Variants in SLC22A23 observed in about 807,000 individuals in gnomAD.
SLC22A23 encodes ion transporter protein.
SLC22A23 carries 26 observed loss-of-function variants against 61.0 expected under a neutral mutation model. The ratio of observed to expected loss-of-function variants is 0.43; its 90% CI spans 0.31 to 0.59. The LOEUF (loss-of-function observed/expected upper bound fraction) is 0.59. Among genes scored for constraint, SLC22A23 ranks in the 20% least tolerant of loss-of-function variants. The pLI is 0.11. For missense variants in SLC22A23, 796 were observed against 934.7 expected, an observed-to-expected ratio of 0.85 and a Z score of 1.94; for synonymous variants, 430 against 413.9, an observed-to-expected ratio of 1.04 and a Z score of -0.47.
intron 9 of SLC22A23, among the ~76,000 whole-genome samples, chr6:3,280,393 C>G (rs764845903): frequency 6.6e-6 from 1 of 152,144 alleles, no homozygotes; most frequent in East Asian, 1.9e-4. Flanking sequence ...CGCTGCTCAT[C>G]GCTCGCACGC....
intron 3 of SLC22A23, among the ~76,000 whole-genome samples, chr6:3,402,974 G>A (rs1407990017): frequency 1.3e-5 from 2 of 152,218 alleles, no homozygotes; most frequent in Non-Finnish European, 2.9e-5. Context: ...CTTTGTAGCA[G>A]AGCCTATCTG....
At chr6:3,277,391 C>T (rs570118553) in intron 9 of SLC22A23, among the ~76,000 whole-genome samples, 4 of 152,210 alleles carry the variant, frequency 2.6e-5, no homozygotes, top group Non-Finnish European at 5.9e-5. Context: ...ACCTCTGCTC[C>T]TGCTCCCCGA....
intron 3 of SLC22A23, among the ~76,000 whole-genome samples, chr6:3,353,045 CT>C (rs1306088332): frequency 1.3e-5 from 2 of 152,176 alleles, no homozygotes; most frequent in African/African-American, 2.4e-5. Flanking sequence ...TTAAGTAAGA[CT>C]TTTTACCCTG....
intron 9 of SLC22A23, chr6:3,282,177 A>AGACTT: frequency 1.4e-6 from 1 of 702,394 alleles, no homozygotes; most frequent in Admixed American, 2.0e-5. Context: ...GTCTATTGAA[A>AGACTT]GACTTGGCTT....
At chr6:3,294,539 G>C (rs1392645929) in intron 5 of SLC22A23, among the ~76,000 whole-genome samples, 1 of 152,212 alleles carries the variant, frequency 6.6e-6, no homozygotes, top group Non-Finnish European at 1.5e-5. Flanking sequence ...CTCAGCCTGT[G>C]AAACTGAAGG....
chr6:3,336,983 A>G lies in SLC22A23; in HGVS notation c.914-12981T>C, dbSNP rs1450121250. ...GCCACCATGCCTGGCTGATTTTTAA[A>G]ATTTATAGTAGACAAGGTCTTGCTA... is the stretch of plus-strand genomic sequence containing the variant. On this transcript the variant is annotated intron_variant, in intron 3 of 9. Coordinates refer to ENST00000406686, the MANE Select transcript of SLC22A23 (RefSeq NM_015482.2). 5.9e-5 allele frequency among the ~76,000 whole-genome samples: 9 copies of G among 151,892 alleles called. No homozygotes were observed. The East Asian group carries it at 1.7e-3, about 29-fold the overall frequency.
At chr6:3,437,051 A>C (rs893306674) in intron 1 of SLC22A23, among the ~76,000 whole-genome samples, 1 of 152,168 alleles carries the variant, frequency 6.6e-6, no homozygotes, top group Non-Finnish European at 1.5e-5. Context: ...GCTTCGCAAA[A>C]ACTGCTGTTA....
chr6:3,312,394 G>T (rs1482708681), intron 4 of SLC22A23: 2 of 152,166 alleles, frequency 1.3e-5, no homozygotes, highest in Non-Finnish European at 2.9e-5. Context: ...TTTGGCAAAT[G>T]ACTTTTAAAA....
intron 3 of SLC22A23, among the ~76,000 whole-genome samples, chr6:3,378,445 G>A (rs989776782): frequency 2.6e-5 from 4 of 152,128 alleles, no homozygotes; most frequent in African/African-American, 9.7e-5. Context: ...TGTTGCTACT[G>A]AGGCAACAGG....
At chr6:3,451,997 T>C (rs1164081170) in intron 1 of SLC22A23, among the ~76,000 whole-genome samples, 1 of 152,176 alleles carries the variant, frequency 6.6e-6, no homozygotes, top group Non-Finnish European at 1.5e-5. Context: ...CAGTACAGTA[T>C]TCCGTAAGTC....
chr6:3,376,966 G>A (rs1766610491), intron 3 of SLC22A23, among the ~76,000 whole-genome samples: 1 of 151,884 alleles, frequency 6.6e-6, no homozygotes, highest in Admixed American at 6.6e-5. Context: ...GGGTCCACAT[G>A]AAGGTGTCGG....
intron 4 of SLC22A23, chr6:3,313,358 A>T (rs1484332763): frequency 6.6e-6 from 1 of 152,112 alleles, no homozygotes; most frequent in Non-Finnish European, 1.5e-5. Flanking sequence ...TGACCAAGAA[A>T]TTTTTTTTAT....
chr6:3,360,161 G>C lies in SLC22A23; in HGVS notation c.914-36159C>G, dbSNP rs1765346658. Among the ~76,000 whole-genome samples the C allele has an allele frequency of 6.6e-6, 1 of 152,220 alleles. No homozygotes were observed. The highest frequency in any genetic ancestry group is 2.1e-4 in the South Asian group (1 of 4,836). On this transcript the variant is annotated intron_variant, in intron 3 of 9. Coordinates refer to ENST00000406686, the MANE Select transcript of SLC22A23 (RefSeq NM_015482.2). This position sits in a 1 kb window ranked among gnomAD's most constrained non-coding sequence, Gnocchi z 4.6. ...CAGAGTTTGTTTGGGAAGATGAAAA[G>C]ACCTCTAGAGATGAAGGGTGGTGAT...
rs534331091 is a variant in SLC22A23, at chr6:3,318,339, C to T, written c.1082+5495G>A. Among the ~76,000 whole-genome samples the T allele has an allele frequency of 6.6e-6, 1 of 152,270 alleles. No individual in the cohort carries two copies. The highest frequency in any genetic ancestry group is 1.9e-4 in the East Asian group (1 of 5,176). On this transcript the variant is annotated intron_variant, in intron 4 of 9. Coordinates refer to ENST00000406686, the MANE Select transcript of SLC22A23 (RefSeq NM_015482.2). The surrounding 1 kb of genome is among the most constrained non-coding windows in gnomAD (Gnocchi z 4.3). ...CAAACCAACCCATCCAGAGCCGATA[C>T]CCCAACCACTTCCTGTGTCGGGCTC...
At chr6:3,368,112 C>G (rs1443633828) in intron 3 of SLC22A23, among the ~76,000 whole-genome samples, 1 of 152,188 alleles carries the variant, frequency 6.6e-6, no homozygotes, top group Non-Finnish European at 1.5e-5. Context: ...CCCTTTTGGA[C>G]AAATGCTGCT....
In SLC22A23 at chr6:3,318,651, G is replaced by A. The variant is rs1462346427; in HGVS notation, c.1082+5183C>T. On this transcript the variant is annotated intron_variant, in intron 4 of 9. Coordinates refer to ENST00000406686, the MANE Select transcript of SLC22A23 (RefSeq NM_015482.2). This position sits in a 1 kb window ranked among gnomAD's most constrained non-coding sequence, Gnocchi z 4.3. ...TGAGAGTAATAAATGATCTTTCAATGGCAATTGTCTCCTGGCCTGCTGACC... is the reference window on the plus strand; with the variant it reads ...TGAGAGTAATAAATGATCTTTCAATAGCAATTGTCTCCTGGCCTGCTGACC... Among the ~76,000 whole-genome samples the A allele has an allele frequency of 6.6e-6, 1 of 152,078 alleles. No individual in the cohort carries two copies. The highest frequency in any genetic ancestry group is 1.5e-5 in the Non-Finnish European group (1 of 68,016).
chr6:3,314,722 C>T (rs1762536151), intron 4 of SLC22A23, among the ~76,000 whole-genome samples: 1 of 151,906 alleles, frequency 6.6e-6, no homozygotes, highest in Non-Finnish European at 1.5e-5. Flanking sequence ...TAGCTTTCTT[C>T]TTGAAATTAA....
At chr6:3,284,772 C>T (rs1343504908) in intron 8 of SLC22A23, among the ~76,000 whole-genome samples, 1 of 152,224 alleles carries the variant, frequency 6.6e-6, no homozygotes, top group African/African-American at 2.4e-5. Flanking sequence ...AGACAACTGT[C>T]CCTAAGACAA....
At position 3,372,817 on chromosome 6, in the gene SLC22A23, C is replaced by T. The variant is rs1368953090; in HGVS notation, c.913+37371G>A. On this transcript the variant is annotated intron_variant, in intron 3 of 9. Transcript: ENST00000406686. This position sits in a 1 kb window ranked among gnomAD's most constrained non-coding sequence, Gnocchi z 4.7. ...CACAATGTCGATCTCAAATCTCTTT[C>T]TCTTCATTATATTTCATCGCCAAAC... Among the ~76,000 whole-genome samples, 2 of 152,246 alleles carry T rather than the reference C, an allele frequency of 1.3e-5. No individual in the cohort carries two copies. Among genetic ancestry groups the T allele is most frequent in the Non-Finnish European group, 2.9e-5 (2 of 68,044 alleles).
Sources: allele counts gnomAD v4.1 joint callset (sites outside exome capture counted in the v4.1 genomes callset), GRCh38; gene constraint gnomAD v4.1.1; non-coding constraint Gnocchi (gnomAD v3.1); transcripts MANE v1.5; gene names NCBI Gene and HGNC (gene_info 2026-07-23, HGNC 2026-07-21).